Variants in CDA observed in about 807,000 individuals in gnomAD.
The protein encoded by CDA is cytidine deaminase.
Under a neutral mutation model 15.0 loss-of-function variants are expected in CDA, and 7 were observed. The observed-to-expected ratio is 0.47, with a 90% CI of 0.26 to 0.87. CDA has a LOEUF of 0.87. CDA is among the 40% of genes least tolerant of loss of function. The pLI is 0.15. For missense variants in CDA, 159 were observed against 182.7 expected, an observed-to-expected ratio of 0.87 and a Z score of 0.75; for synonymous variants, 58 against 73.0, an observed-to-expected ratio of 0.79 and a Z score of 1.05.
intron 2 of CDA, among the ~76,000 whole-genome samples, chr1:20,609,650 C>T (rs538008998): frequency 6.6e-6 from 1 of 152,338 alleles, no homozygotes; most frequent in East Asian, 1.9e-4. Flanking sequence ...TCTCCCCCTC[C>T]AGAGGGTAAG....
chr1:20,616,196 A>T (rs1396117341), intron 3 of CDA, among the ~76,000 whole-genome samples: 1 of 152,152 alleles, frequency 6.6e-6, no homozygotes, highest in African/African-American at 2.4e-5. Context: ...CGTGCTCCTC[A>T]CGGCTGCCTC....
intron 2 of CDA, among the ~76,000 whole-genome samples, chr1:20,612,691 G>T (rs1488524664): frequency 6.6e-6 from 1 of 151,934 alleles, no homozygotes; most frequent in Non-Finnish European, 1.5e-5. Context: ...GCGGGGCGGG[G>T]TGGCTCATGC....
chr1:20,607,452 T>G (rs2052704790), intron 2 of CDA, among the ~76,000 whole-genome samples: 1 of 152,030 alleles, frequency 6.6e-6, no homozygotes, highest in Non-Finnish European at 1.5e-5. Flanking sequence ...AGGATGTGAA[T>G]TGCACTTTAT....
intron 1 of CDA, among the ~76,000 whole-genome samples, chr1:20,603,241 G>T (rs1443927227): frequency 6.6e-6 from 1 of 152,242 alleles, no homozygotes; most frequent in East Asian, 1.9e-4. Context: ...TTAGACATAG[G>T]TTATGCTACT....
chr1:20,606,566 T>G (rs902846346), intron 2 of CDA, among the ~76,000 whole-genome samples: 1 of 152,076 alleles, frequency 6.6e-6, no homozygotes, highest in African/African-American at 2.4e-5. Context: ...CACAAGCTGA[T>G]GCTAGGATCC....
At chr1:20,609,544 G>A (rs1052739615) in intron 2 of CDA, among the ~76,000 whole-genome samples, 8 of 152,084 alleles carry the variant, frequency 5.3e-5, no homozygotes, top group Admixed American at 4.6e-4. Flanking sequence ...ATCACACAGG[G>A]CCTTACAGGC....
intron 1 of CDA, among the ~76,000 whole-genome samples, chr1:20,594,695 A>C (rs1337279694): frequency 6.6e-6 from 1 of 151,650 alleles, no homozygotes; most frequent in Non-Finnish European, 1.5e-5. Flanking sequence ...AGGCTGAAGC[A>C]GGAGAATCGC....
At chr1:20,598,053 G>A (rs1273927796) in intron 1 of CDA, among the ~76,000 whole-genome samples, 1 of 152,140 alleles carries the variant, frequency 6.6e-6, no homozygotes, top group Non-Finnish European at 1.5e-5. Context: ...GCCATGCTGT[G>A]GTTTGAAGGT....
chr1:20,605,302 C>T (rs1352138917), intron 2 of CDA, among the ~76,000 whole-genome samples: 2 of 152,042 alleles, frequency 1.3e-5, no homozygotes, highest in African/African-American at 4.8e-5. Flanking sequence ...GTTCCAGCAA[C>T]ACAACGTGAT....
chr1:20,592,457 G>A (rs559197394), intron 1 of CDA, among the ~76,000 whole-genome samples: 1 of 152,300 alleles, frequency 6.6e-6, no homozygotes, highest in East Asian at 1.9e-4. Context: ...GACTTTTGGA[G>A]GCCAAACAGA....
intron 1 of CDA, among the ~76,000 whole-genome samples, chr1:20,592,582 G>A (rs1214956666): frequency 3.3e-5 from 5 of 152,154 alleles, no homozygotes; most frequent in Admixed American, 6.5e-5. Flanking sequence ...CAGCAAGGGC[G>A]GGGACAGAGG....
intron 1 of CDA, among the ~76,000 whole-genome samples, chr1:20,600,487 A>G (rs1164743927): frequency 6.6e-6 from 1 of 152,048 alleles, no homozygotes; most frequent in Non-Finnish European, 1.5e-5. Flanking sequence ...TGGGCATCTT[A>G]GCTCACACCT....
chr1:20,591,827 AT>A lies in CDA; in HGVS notation c.154+2547del, dbSNP rs758394400. 7.3e-4 allele frequency among the ~76,000 whole-genome samples: 108 copies of A among 147,738 alleles called. 1 individual carries two copies. The highest frequency in any genetic ancestry group is 1.6e-4 in the Non-Finnish European group (11 of 66,910). ...TTCTGAGTGTCAGCTCATACATTTT[AT>A]TTATTTATGGGTTTTTTTTTGTTTT... On this transcript the variant is annotated intron_variant, in intron 1 of 3. Coordinates refer to ENST00000375071, the MANE Select transcript of CDA (RefSeq NM_001785.3).
chr1:20,608,632 A>G lies in CDA; in HGVS notation c.266+3593A>G, dbSNP rs2052716481. On this transcript the variant is annotated intron_variant, in intron 2 of 3. Coordinates refer to ENST00000375071, the MANE Select transcript of CDA (RefSeq NM_001785.3). ...ACCACGTTGACCAAGCTGGTCTCGAACTTCTGGCCTCAAGTGATCTGCCCA... is the reference window on the plus strand; with the variant it reads ...ACCACGTTGACCAAGCTGGTCTCGAGCTTCTGGCCTCAAGTGATCTGCCCA... Among the ~76,000 whole-genome samples the G allele has an allele frequency of 2.6e-5, 4 of 152,268 alleles. No individual in the cohort carries two copies. In the South Asian group the frequency reaches 8.3e-4, roughly 32 times the overall value.
intron 1 of CDA, among the ~76,000 whole-genome samples, chr1:20,598,225 G>A (rs1300080091): frequency 6.6e-6 from 1 of 152,192 alleles, no homozygotes; most frequent in East Asian, 1.9e-4. Context: ...TGAGGGCTCT[G>A]CCCGGTGAGT....
intron 1 of CDA, among the ~76,000 whole-genome samples, chr1:20,594,477 G>A (rs2052574595): frequency 6.6e-6 from 1 of 151,990 alleles, no homozygotes; most frequent in African/African-American, 2.4e-5. Flanking sequence ...AGATGGCACA[G>A]AAGGAGGATT....
intron 2 of CDA, among the ~76,000 whole-genome samples, chr1:20,612,297 C>T (rs1239707389): frequency 6.6e-6 from 1 of 152,174 alleles, no homozygotes; most frequent in Admixed American, 6.5e-5. Context: ...GATGTCAGGC[C>T]TCTGAGCCCA....
intron 3 of CDA, among the ~76,000 whole-genome samples, chr1:20,616,998 G>A (rs2052819101): frequency 6.6e-6 from 1 of 152,154 alleles, no homozygotes; most frequent in South Asian, 2.1e-4. Flanking sequence ...CCTACTATGT[G>A]CATAGAGATG....
intron 2 of CDA, among the ~76,000 whole-genome samples, chr1:20,611,520 A>G (rs886368119): frequency 2.0e-5 from 3 of 152,160 alleles, no homozygotes; most frequent in Admixed American, 6.5e-5. Flanking sequence ...AGCTGGGACT[A>G]TAGGTGTGCA....
Sources: gnomAD v4.1 joint callset for allele counts (sites outside exome capture counted in the v4.1 genomes callset) on GRCh38, gnomAD v4.1.1 for gene constraint, MANE v1.5 for transcripts, NCBI Gene and HGNC (gene_info 2026-07-23, HGNC 2026-07-21) for gene names.